GRIK2: variants seen among roughly 807,000 people sequenced by gnomAD.
The protein encoded by GRIK2 is glutamate ionotropic receptor kainate type subunit 2, also known as glutamate receptor ionotropic, kainate 2.
In GRIK2, 32 loss-of-function variants were observed where a neutral mutation model predicts 100.3. The ratio of observed to expected loss-of-function variants is 0.32; its 90% CI spans 0.24 to 0.43. GRIK2 has a LOEUF of 0.43. GRIK2 is among the 20% of genes least tolerant of loss of function. The pLI is 1.00. For missense variants in GRIK2, 843 were observed against 1,114.9 expected (o/e 0.76, Z 3.47); for synonymous variants, 417 against 389.4 (o/e 1.07, Z -0.83).
At chr6:101,697,309 C>T (rs900738573) in intron 7 of GRIK2, among the ~76,000 whole-genome samples, 2 of 151,152 alleles carry the variant, frequency 1.3e-5, no homozygotes, top group African/African-American at 4.9e-5. Context: ...CTGTTGTATG[C>T]AAAATCACTG....
At chr6:101,756,519 G>A (rs747520554) in intron 7 of GRIK2, among the ~76,000 whole-genome samples, 1 of 129,062 alleles carries the variant, frequency 7.7e-6, no homozygotes, top group Non-Finnish European at 1.6e-5. Context: ...TTCCAACACT[G>A]TTTAAAAGAT....
intron 14 of GRIK2, among the ~76,000 whole-genome samples, chr6:102,023,371 A>T (rs1005304072): frequency 2.0e-5 from 3 of 151,448 alleles, no homozygotes; most frequent in African/African-American, 7.3e-5. Flanking sequence ...ATTATATAAG[A>T]TTCCTGTAAG....
chr6:101,881,681 TAAA>T (rs199888236), intron 11 of GRIK2, among the ~76,000 whole-genome samples: 1 of 138,760 alleles, frequency 7.2e-6, no homozygotes, highest in Non-Finnish European at 1.6e-5. Context: ...AACACATCTC[TAAA>T]AAAAAAAAAA....
intron 11 of GRIK2, among the ~76,000 whole-genome samples, chr6:101,867,162 C>A (rs539982606): frequency 1.3e-5 from 2 of 151,924 alleles, no homozygotes; most frequent in Non-Finnish European, 2.9e-5. Flanking sequence ...TAAGTGAAAG[C>A]CTGAATTCCT....
intron 2 of GRIK2, among the ~76,000 whole-genome samples, chr6:101,476,041 A>G (rs1353621672): frequency 6.6e-6 from 1 of 152,100 alleles, no homozygotes; most frequent in Non-Finnish European, 1.5e-5. Flanking sequence ...AAACTGAAAC[A>G]TTTCAAATTT....
chr6:101,912,528 G>A (rs1336120221), intron 12 of GRIK2, among the ~76,000 whole-genome samples: 4 of 151,612 alleles, frequency 2.6e-5, no homozygotes, highest in African/African-American at 4.8e-5. Context: ...GCTAAGACTC[G>A]CTTCTCTTCG....
At chr6:101,535,958 G>T (rs925780480) in intron 2 of GRIK2, among the ~76,000 whole-genome samples, 3 of 151,474 alleles carry the variant, frequency 2.0e-5, no homozygotes, top group Non-Finnish European at 3.0e-5. Context: ...AGGTTCTAAC[G>T]TTTTTTAAAA....
At chr6:101,702,924 A>G (rs1772997193) in intron 7 of GRIK2, among the ~76,000 whole-genome samples, 1 of 151,888 alleles carries the variant, frequency 6.6e-6, no homozygotes, top group Non-Finnish European at 1.5e-5. Context: ...CCTTTCTTTC[A>G]TAATTTGTGA....
chr6:101,939,910 CT>C (rs763942259), intron 14 of GRIK2, among the ~76,000 whole-genome samples: 1 of 151,950 alleles, frequency 6.6e-6, no homozygotes, highest in African/African-American at 2.4e-5. Flanking sequence ...TAAACACGAC[CT>C]TTTTTATGAT....
intron 2 of GRIK2, among the ~76,000 whole-genome samples, chr6:101,582,148 C>T (rs1778133937): frequency 6.6e-6 from 1 of 151,958 alleles, no homozygotes; most frequent in African/African-American, 2.4e-5. Context: ...TATACATGTG[C>T]CATGGTGGTT....
At chr6:101,625,191 G>A (rs932403878) in intron 3 of GRIK2, among the ~76,000 whole-genome samples, 1 of 151,902 alleles carries the variant, frequency 6.6e-6, no homozygotes, top group Admixed American at 6.6e-5. Flanking sequence ...GGCTAACATG[G>A]TGAAACCCTG....
At chr6:101,399,447 G>T in intron 2 of GRIK2, 55 bp downstream of exon 2, 1 of 873,458 alleles carries the variant, frequency 1.1e-6, no homozygotes, top group Non-Finnish European at 2.0e-6. Flanking sequence ...GCAGCCGGAT[G>T]TAAACAGGCG....
intron 2 of GRIK2, among the ~76,000 whole-genome samples, chr6:101,595,238 C>G (rs1481850471): frequency 6.6e-6 from 1 of 151,580 alleles, no homozygotes; most frequent in Non-Finnish European, 1.5e-5. Flanking sequence ...GTGGGAGAGA[C>G]AGACAGAAGG....
At chr6:101,531,621 C>T (rs1008364021) in intron 2 of GRIK2, among the ~76,000 whole-genome samples, 1 of 151,752 alleles carries the variant, frequency 6.6e-6, no homozygotes, top group Non-Finnish European at 1.5e-5. Flanking sequence ...AGGGCAGTCT[C>T]TTTTTTGTAT....
rs1021615298 is a variant in GRIK2 at position 102,069,835 on chromosome 6, C to T, written c.*1324C>T. ...CTATTTTTATCAAGAAAAAAGGAAT[C>T]ATAGAAGAGAAATATTTTCAAGTTA... On this transcript the variant is annotated 3_prime_UTR_variant, in exon 17 of 17. Coordinates refer to ENST00000369134, the MANE Select transcript of GRIK2 (RefSeq NM_021956.5). The T allele has an allele frequency of 6.6e-6, 1 of 151,878 alleles. No homozygotes were observed. The highest frequency in any genetic ancestry group is 1.5e-5 in the Non-Finnish European group (1 of 67,956). 9.4% of individuals were successfully genotyped at this position (151,878 alleles called of 1,614,324 possible). A position where few individuals can be genotyped will look rare whatever the true frequency, so the allele number is the denominator to read the frequency against.
At chr6:101,880,036 A>T (rs953471490) in intron 11 of GRIK2, among the ~76,000 whole-genome samples, 3 of 152,040 alleles carry the variant, frequency 2.0e-5, no homozygotes, top group African/African-American at 7.2e-5. Context: ...TTGAAACATC[A>T]TGTTGTCCCT....
At position 101,677,453 on chromosome 6, in the gene GRIK2, A is replaced by G. The variant is rs142130866; in HGVS notation, c.723+649A>G. The stretch of plus-strand genomic sequence containing the variant: ...CAAACAAACAAAACCTTCTAAATCA[A>G]TCAAACAAAACAATTTGTAGCTGTG... On this transcript the variant is annotated intron_variant, in intron 5 of 16. Coordinates refer to ENST00000369134, the MANE Select transcript of GRIK2 (RefSeq NM_021956.5). Among the ~76,000 whole-genome samples the G allele has an allele frequency of 3.5e-3, 540 of 152,240 alleles. 5 individuals carry two copies. Among genetic ancestry groups the G allele is most frequent in the South Asian group, 0.033 (159 of 4,830 alleles).
chr6:101,830,672 C>T (rs750400898), intron 10 of GRIK2, among the ~76,000 whole-genome samples: 109 of 151,202 alleles, frequency 7.2e-4, no homozygotes, highest in Non-Finnish European at 1.4e-3. Flanking sequence ...TGCCATCTCA[C>T]ACCAGTCAGA....
intron 12 of GRIK2, chr6:101,890,289 A>G (rs560013901): frequency 6.4e-6 from 1 of 155,652 alleles, no homozygotes; most frequent in East Asian, 1.9e-4. Context: ...GACATTTATA[A>G]TAAACATTCT....
Sources: gnomAD v4.1 joint callset for allele counts (sites outside exome capture counted in the v4.1 genomes callset) on GRCh38, gnomAD v4.1.1 for gene constraint, MANE v1.5 for transcripts, NCBI Gene and HGNC (gene_info 2026-07-23, HGNC 2026-07-21) for gene names.